PSAT1: variants seen among roughly 807,000 people sequenced by gnomAD.
PSAT1 encodes the protein phosphoserine aminotransferase 1.
A neutral mutation model predicts 40.3 loss-of-function variants in PSAT1; 41 were observed. The observed-to-expected ratio is 1.02, with a 90% CI of 0.79 to 1.32. The LOEUF (loss-of-function observed/expected upper bound fraction) is 1.32. Among genes scored for constraint, PSAT1 ranks in the 40% most tolerant of loss-of-function variants. The probability of loss-of-function intolerance (pLI) is 0.00; values close to 1 mark genes in which losing one functional copy is unlikely to be tolerated. For missense variants in PSAT1, 406 were observed against 455.8 expected, an observed-to-expected ratio of 0.89 and a Z score of 0.99; for synonymous variants, 147 against 170.5, an observed-to-expected ratio of 0.86 and a Z score of 1.07.
chr9:78,314,781 C>T (rs1452133384), intron 6 of PSAT1, among the ~76,000 whole-genome samples: 3 of 151,972 alleles, frequency 2.0e-5, no homozygotes, highest in African/African-American at 2.4e-5. Flanking sequence ...CTGGCTAGGA[C>T]GGTGGACCTG....
intron 6 of PSAT1, among the ~76,000 whole-genome samples, chr9:78,313,182 A>T (rs1450233500): frequency 1.3e-5 from 2 of 152,218 alleles, no homozygotes; most frequent in Non-Finnish European, 2.9e-5. Flanking sequence ...CCTGGCCAAC[A>T]TGGTGAAACC....
chr9:78,300,825 C>T (rs1453200437), intron 2 of PSAT1, among the ~76,000 whole-genome samples, 163 bp downstream of exon 2: 1 of 151,164 alleles, frequency 6.6e-6, no homozygotes, highest in African/African-American at 2.4e-5. Context: ...AAGTGACCCT[C>T]CTGCCTCAGC....
intron 6 of PSAT1, among the ~76,000 whole-genome samples, chr9:78,316,806 G>A (rs143645062): frequency 2.3e-3 from 345 of 152,234 alleles, no homozygotes; most frequent in Non-Finnish European, 3.9e-3. Context: ...TTAACCCCTC[G>A]GCCACAGTGC....
chr9:78,306,487 G>A lies in PSAT1; in HGVS notation c.570+1G>A. The A allele has an allele frequency of 6.2e-7, 1 of 1,614,220 alleles. No homozygotes were observed. The highest frequency in any genetic ancestry group is 1.7e-5 in the Admixed American group (1 of 60,026). On this transcript the variant is annotated splice_donor_variant, in intron 5 of 8. Transcript: ENST00000376588. LOFTEE classifies it high-confidence loss of function. ...GTCCAAGCCAGTGGATGTTTCCAAGGTAGAGTATAAAAGGCAGGGTGAGGG... is the reference window on the plus strand; with the variant it reads ...GTCCAAGCCAGTGGATGTTTCCAAGATAGAGTATAAAAGGCAGGGTGAGGG...
At chr9:78,317,891 T>G in intron 7 of PSAT1, 87 bp downstream of exon 7, 1 of 1,443,836 alleles carries the variant, frequency 6.9e-7, no homozygotes, top group Non-Finnish European at 9.7e-7. Flanking sequence ...GTGGACATAT[T>G]CACCTTTCTC....
At chr9:78,326,694 G>C (rs1246376391) in intron 7 of PSAT1, among the ~76,000 whole-genome samples, 3 of 151,836 alleles carry the variant, frequency 2.0e-5, no homozygotes, top group Non-Finnish European at 4.4e-5. Context: ...TAAAACTTAA[G>C]TGACTGAAAA....
At chr9:78,321,108 C>T (rs891709063) in intron 7 of PSAT1, among the ~76,000 whole-genome samples, 2 of 152,304 alleles carry the variant, frequency 1.3e-5, no homozygotes, top group African/African-American at 4.8e-5. Flanking sequence ...CAGGTCATCT[C>T]CTGGGCAGGT....
At chr9:78,317,913 A>C (rs542321928) in intron 7 of PSAT1, 109 bp downstream of exon 7, 278 of 1,327,384 alleles carry the variant, frequency 2.1e-4, no homozygotes, top group Non-Finnish European at 2.7e-4. Flanking sequence ...GAGACATTAA[A>C]ATACTGGTGA....
intron 4 of PSAT1, 134 bp from the exon 5 acceptor site, chr9:78,306,180 A>T: frequency 1.1e-6 from 1 of 948,472 alleles, no homozygotes; most frequent in Non-Finnish European, 1.7e-6. Context: ...GGTTGCTTTC[A>T]CTCGTGCAAT....
At chr9:78,320,226 C>G (rs895024368) in intron 7 of PSAT1, among the ~76,000 whole-genome samples, 12 of 151,530 alleles carry the variant, frequency 7.9e-5, no homozygotes, top group African/African-American at 2.9e-4. Context: ...CCCATTCATT[C>G]ACCCATCCAC....
intron 7 of PSAT1, among the ~76,000 whole-genome samples, chr9:78,320,689 GTC>G (rs1828417727): frequency 2.6e-5 from 1 of 37,864 alleles, no homozygotes; most frequent in Non-Finnish European, 9.1e-5. Flanking sequence ...CCATCCAACC[GTC>G]CATCCATCCA....
At chr9:78,317,871 C>G in intron 7 of PSAT1, 67 bp downstream of exon 7, 2 of 1,548,972 alleles carry the variant, frequency 1.3e-6, no homozygotes, top group Non-Finnish European at 1.8e-6. Flanking sequence ...ATACTGTGTA[C>G]CTTTGAAAAG....
intron 1 of PSAT1, 69 bp from the exon 2 acceptor site, chr9:78,300,533 T>G: frequency 3.2e-6 from 5 of 1,541,162 alleles, no homozygotes; most frequent in Non-Finnish European, 4.4e-6. Context: ...CTCGTCAGGT[T>G]TGTATGTTCA....
chr9:78,314,903 C>T (rs955824454), intron 6 of PSAT1, among the ~76,000 whole-genome samples: 5 of 152,078 alleles, frequency 3.3e-5, no homozygotes, highest in African/African-American at 1.2e-4. Context: ...AAAAGGGAAG[C>T]TTGGTCACCT....
At chr9:78,326,099 G>A (rs1376734957) in intron 7 of PSAT1, among the ~76,000 whole-genome samples, 6 of 152,160 alleles carry the variant, frequency 3.9e-5, no homozygotes, top group African/African-American at 1.4e-4. Context: ...CAGGCTCAAA[G>A]TCTTTTCCCC....
chr9:78,306,383 C>A lies in PSAT1; in HGVS notation c.467C>A (p.Thr156Lys). ...TACGTGTATTATTGCGCAAATGAGA[C>A]GGTGCATGGTGTGGAGTTTGACTTT... ...ASYVYYCANETVHGVEFDFIP... is the reference protein window; with the variant it reads ...ASYVYYCANEKVHGVEFDFIP... Residue 156 changes from threonine to lysine, a missense_variant, in exon 5 of 9, where the codon ACG becomes AAG. Physicochemically the swap from Thr to Lys is moderately conservative, Grantham distance 78 (BLOSUM62 -1). Coordinates refer to ENST00000376588, the MANE Select transcript of PSAT1 (RefSeq NM_058179.4). The A allele has an allele frequency of 1.2e-6, 2 of 1,613,692 alleles. No homozygotes were observed. The highest frequency in any genetic ancestry group is 2.2e-5 in the East Asian group (1 of 44,878).
At chr9:78,323,013 C>G (rs1828450735) in intron 7 of PSAT1, among the ~76,000 whole-genome samples, 1 of 152,198 alleles carries the variant, frequency 6.6e-6, no homozygotes, top group Admixed American at 6.5e-5. Flanking sequence ...ATTTACCCTT[C>G]CCCAGCACTC....
chr9:78,312,066 CCA>C (rs1828277111), intron 6 of PSAT1, among the ~76,000 whole-genome samples: 1 of 149,444 alleles, frequency 6.7e-6, no homozygotes, highest in Non-Finnish European at 1.5e-5. Context: ...TTTTTTTTCC[CCA>C]CAGAGTCTAA....
intron 7 of PSAT1, among the ~76,000 whole-genome samples, chr9:78,322,258 G>T (rs1029581523): frequency 6.6e-6 from 1 of 152,080 alleles, no homozygotes; most frequent in South Asian, 2.1e-4. Flanking sequence ...AAGGAGGCAC[G>T]TGATGGGTCT....
Sources: allele counts gnomAD v4.1 joint callset (sites outside exome capture counted in the v4.1 genomes callset), GRCh38; gene constraint gnomAD v4.1.1; transcripts MANE v1.5; gene names NCBI Gene and HGNC (gene_info 2026-07-23, HGNC 2026-07-21).